The following PATJ variants were observed in gnomAD, a reference collection of about 807,000 sequenced individuals.
PATJ encodes the protein PATJ crumbs cell polarity complex component.
In PATJ, 190 loss-of-function variants were observed where a neutral mutation model predicts 224.9. The ratio of observed to expected loss-of-function variants is 0.84; its 90% CI spans 0.75 to 0.95. The LOEUF (loss-of-function observed/expected upper bound fraction) is 0.95, where lower values mean the gene tolerates loss of function less well. PATJ is among the 40% of genes least tolerant of loss of function. The pLI is 0.00. For synonymous variants in PATJ, 769 were observed against 820.3 expected (o/e 0.94, Z 1.07); for missense variants, 2,121 against 2,270.3 (o/e 0.93, Z 1.34).
intron 14 of PATJ, among the ~76,000 whole-genome samples, chr1:61,811,272 A>G (rs1214881165): frequency 6.6e-6 from 1 of 152,132 alleles, no homozygotes; most frequent in African/African-American, 2.4e-5. Context: ...TTTATTGCCT[A>G]GGCTGGGGTG....
At chr1:61,945,173 G>A (rs1315500547) in intron 27 of PATJ, among the ~76,000 whole-genome samples, 3 of 152,218 alleles carry the variant, frequency 2.0e-5, no homozygotes, top group Admixed American at 6.5e-5. Flanking sequence ...ATCAACTAAC[G>A]AGCAAAATAA....
chr1:61,772,621 T>A (rs893932875), intron 6 of PATJ, among the ~76,000 whole-genome samples: 1 of 152,208 alleles, frequency 6.6e-6, no homozygotes, highest in Admixed American at 6.5e-5. Context: ...CAAAAATTAA[T>A]GTATAGGCAT....
chr1:61,755,679 T>G (rs1645597070), intron 1 of PATJ, among the ~76,000 whole-genome samples: 2 of 152,314 alleles, frequency 1.3e-5, no homozygotes, highest in South Asian at 2.1e-4. Context: ...AATCAGAGCT[T>G]CTCAAACTAT....
chr1:61,933,704 C>T (rs1407921019), intron 27 of PATJ, among the ~76,000 whole-genome samples: 2 of 152,066 alleles, frequency 1.3e-5, no homozygotes, highest in Admixed American at 1.3e-4. Context: ...GATGCCATGT[C>T]TTTTTTCCAC....
intron 7 of PATJ, among the ~76,000 whole-genome samples, chr1:61,784,659 T>C (rs1248617191): frequency 2.0e-5 from 3 of 152,220 alleles, no homozygotes; most frequent in Non-Finnish European, 4.4e-5. Context: ...TAGACATATA[T>C]ATTTTTTAAT....
intron 27 of PATJ, among the ~76,000 whole-genome samples, chr1:61,955,698 T>C (rs1000221997): frequency 6.6e-6 from 1 of 152,256 alleles, no homozygotes; most frequent in Non-Finnish European, 1.5e-5. Context: ...GCTAAATGCC[T>C]TACACACATT....
intron 18 of PATJ, among the ~76,000 whole-genome samples, chr1:61,859,211 A>AAACAG (rs1664170696): frequency 6.6e-6 from 1 of 152,176 alleles, no homozygotes; most frequent in South Asian, 2.1e-4. Context: ...AAACAAAACA[A>AAACAG]AAACGAGTTG....
intron 22 of PATJ, among the ~76,000 whole-genome samples, chr1:61,889,698 A>G (rs985546418): frequency 6.6e-6 from 1 of 152,216 alleles, no homozygotes; most frequent in African/African-American, 2.4e-5. Flanking sequence ...CTGGGCAAAG[A>G]GATGATTCAC....
intron 27 of PATJ, among the ~76,000 whole-genome samples, chr1:61,937,650 C>CTTTTTT (rs370155855): frequency 1.5e-5 from 2 of 133,032 alleles, no homozygotes; most frequent in Non-Finnish European, 3.2e-5. Context: ...CTTTCTTCTT[C>CTTTTTT]TTTTTTTTTT....
intron 22 of PATJ, among the ~76,000 whole-genome samples, chr1:61,887,392 G>A (rs762700962): frequency 6.6e-6 from 1 of 152,146 alleles, no homozygotes; most frequent in African/African-American, 2.4e-5. Flanking sequence ...CTGTCACTTC[G>A]GGAGAAGATT....
chr1:61,789,370 G>C (rs1231458930), intron 8 of PATJ, among the ~76,000 whole-genome samples: 2 of 151,766 alleles, frequency 1.3e-5, no homozygotes, highest in Non-Finnish European at 2.9e-5. Flanking sequence ...AAAACAAAAG[G>C]AAAGAGAAAT....
chr1:61,876,260 A>G (rs1306750775), intron 21 of PATJ, among the ~76,000 whole-genome samples: 3 of 152,204 alleles, frequency 2.0e-5, no homozygotes, highest in Non-Finnish European at 4.4e-5. Flanking sequence ...AGCATGGAAA[A>G]AAAAAGACAG....
At chr1:61,886,573 A>C (rs912561838) in intron 22 of PATJ, among the ~76,000 whole-genome samples, 1 of 152,048 alleles carries the variant, frequency 6.6e-6, no homozygotes, top group Non-Finnish European at 1.5e-5. Flanking sequence ...TAATCCCAGC[A>C]CTTTGGGAGG....
chr1:61,870,378 T>G (rs1666148285), intron 20 of PATJ, among the ~76,000 whole-genome samples: 1 of 152,152 alleles, frequency 6.6e-6, no homozygotes, highest in South Asian at 2.1e-4. Context: ...ATCCAGCTGC[T>G]TCTTCTCTCT....
chr1:61,753,919 T>C (rs1381962794), intron 1 of PATJ, among the ~76,000 whole-genome samples: 1 of 151,804 alleles, frequency 6.6e-6, no homozygotes, highest in African/African-American at 2.4e-5. Flanking sequence ...ATTAAATTTC[T>C]ATCTCTCTTC....
At chr1:61,773,082 G>A (rs561902972) in intron 6 of PATJ, among the ~76,000 whole-genome samples, 6 of 152,156 alleles carry the variant, frequency 3.9e-5, no homozygotes, top group East Asian at 3.9e-4. Flanking sequence ...ACTGCAGGGC[G>A]TGATCTCGGC....
intron 27 of PATJ, among the ~76,000 whole-genome samples, chr1:61,942,977 A>C (rs1316098197): frequency 1.3e-5 from 2 of 152,250 alleles, no homozygotes; most frequent in Non-Finnish European, 2.9e-5. Context: ...TCGTAGCAGC[A>C]TTATTCATAA....
At chr1:61,912,201 T>C (rs745594124) in intron 25 of PATJ, among the ~76,000 whole-genome samples, 1 of 152,156 alleles carries the variant, frequency 6.6e-6, no homozygotes, top group Non-Finnish European at 1.5e-5. Context: ...TCACGAGAAA[T>C]ACAGTCTTCT....
At chr1:61,769,481 TATAAAG>T in intron 5 of PATJ, 59 bp downstream of exon 5, 1 of 1,527,858 alleles carries the variant, frequency 6.5e-7, no homozygotes. Flanking sequence ...TGAAAACTAT[TATAAAG>T]AGAGTGAAAA....
Sources: allele counts gnomAD v4.1 joint callset (sites outside exome capture counted in the v4.1 genomes callset), GRCh38; gene constraint gnomAD v4.1.1; transcripts MANE v1.5; gene names NCBI Gene and HGNC (gene_info 2026-07-23, HGNC 2026-07-21).